TEAD1: variants seen among roughly 807,000 people sequenced by gnomAD.
TEAD1 encodes TEA domain transcription factor 1.
A neutral mutation model predicts 54.9 loss-of-function variants in TEAD1; 9 were observed. The ratio of observed to expected loss-of-function variants is 0.16; its 90% confidence interval spans 0.10 to 0.29. The LOEUF is 0.29. Ranked by LOEUF, TEAD1 falls within the 10% of genes least tolerant of loss-of-function variation. The pLI, the probability that TEAD1 is intolerant of heterozygous loss-of-function variation, is 1.00. For synonymous variants in TEAD1, 200 were observed against 187.8 expected, an observed-to-expected ratio of 1.07 and a Z score of -0.53; for missense variants, 387 against 535.9, an observed-to-expected ratio of 0.72 and a Z score of 2.74.
intron 2 of TEAD1, among the ~76,000 whole-genome samples, chr11:12,733,898 T>G (rs1944471440): frequency 6.6e-6 from 1 of 152,220 alleles, no homozygotes; most frequent in South Asian, 2.1e-4. Context: ...GCTTGTGTCT[T>G]TGTGTGTGCG....
chr11:12,875,149 G>A (rs1473939928), intron 5 of TEAD1, among the ~76,000 whole-genome samples: 2 of 152,162 alleles, frequency 1.3e-5, no homozygotes, highest in African/African-American at 2.4e-5. Context: ...TTGGTGTGAA[G>A]ACATCTTAAA....
At chr11:12,743,685 A>G (rs558779740) in intron 2 of TEAD1, among the ~76,000 whole-genome samples, 26 of 152,326 alleles carry the variant, frequency 1.7e-4, no homozygotes, top group Non-Finnish European at 3.7e-4. Context: ...TGTTGAAGTG[A>G]TGGCAATTGA....
In TEAD1 at chr11:12,891,208, C is replaced by G. The variant is rs572961984; in HGVS notation, c.699+8083C>G. On this transcript the variant is annotated intron_variant, in intron 9 of 12. Transcript: ENST00000527636. ...ACCCTTAAGTAGGTAGCCACTGCTA[C>G]TATTCTCTTATGAGGCTTTGTAGTG... Among the ~76,000 whole-genome samples, 175 of 152,318 alleles carry G rather than the reference C, an allele frequency of 1.1e-3. 1 individual carries two copies. The highest frequency in any genetic ancestry group is 1.9e-3 in the Non-Finnish European group (129 of 68,034).
intron 2 of TEAD1, among the ~76,000 whole-genome samples, chr11:12,717,357 C>G (rs568470069): frequency 6.6e-6 from 1 of 152,156 alleles, no homozygotes; most frequent in Non-Finnish European, 1.5e-5. Context: ...GAGGCAGGGC[C>G]CTTCATTCCT....
intron 3 of TEAD1, among the ~76,000 whole-genome samples, chr11:12,858,517 G>A (rs576790243): frequency 4.8e-4 from 73 of 152,152 alleles, no homozygotes; most frequent in Non-Finnish European, 9.3e-4. Flanking sequence ...CAACATTTTA[G>A]TGCATTTAAG....
chr11:12,929,034 TGTTA>T (rs1312231370), intron 11 of TEAD1, among the ~76,000 whole-genome samples: 1 of 152,184 alleles, frequency 6.6e-6, no homozygotes, highest in African/African-American at 2.4e-5. Flanking sequence ...TAGCTAAACT[TGTTA>T]GTTGTGGTCA....
intron 3 of TEAD1, among the ~76,000 whole-genome samples, chr11:12,835,421 A>G (rs1455802380): frequency 6.6e-6 from 1 of 151,476 alleles, no homozygotes; most frequent in Non-Finnish European, 1.5e-5. Flanking sequence ...CGGTCACTGC[A>G]GCTTCAGCCT....
At chr11:12,866,091 C>T (rs538625069) in intron 5 of TEAD1, among the ~76,000 whole-genome samples, 3 of 152,264 alleles carry the variant, frequency 2.0e-5, no homozygotes, top group East Asian at 1.9e-4. Context: ...CTGGCTCGCT[C>T]GCACGTGTGG....
chr11:12,865,108 CGTGTGTGTGTGCGT>C (rs1947590807), intron 5 of TEAD1: 1 of 643,452 alleles, frequency 1.6e-6, no homozygotes, highest in African/African-American at 1.8e-5. Context: ...TGTGTGTTTG[CGTGTGTGTGTGCGT>C]GTGTATGTGT....
At chr11:12,794,271 A>G (rs1945867407) in intron 3 of TEAD1, among the ~76,000 whole-genome samples, 1 of 152,116 alleles carries the variant, frequency 6.6e-6, no homozygotes, top group African/African-American at 2.4e-5. Flanking sequence ...TCTTCTCACC[A>G]GGTCTGGTCT....
chr11:12,705,311 A>T (rs1046203826), intron 2 of TEAD1, among the ~76,000 whole-genome samples: 2 of 152,222 alleles, frequency 1.3e-5, no homozygotes, highest in African/African-American at 4.8e-5. Context: ...TTCAGCCTAA[A>T]GGAAAATACA....
At chr11:12,753,239 C>T (rs553187983) in intron 2 of TEAD1, among the ~76,000 whole-genome samples, 5 of 152,262 alleles carry the variant, frequency 3.3e-5, no homozygotes, top group African/African-American at 1.2e-4. Flanking sequence ...CTATACCTGT[C>T]TTTTGGTGAA....
At chr11:12,909,952 T>A (rs1564987069) in intron 10 of TEAD1, among the ~76,000 whole-genome samples, 1 of 152,236 alleles carries the variant, frequency 6.6e-6, no homozygotes, top group Non-Finnish European at 1.5e-5. Context: ...CTAGTCATAC[T>A]TCTTTTTTCC....
intron 3 of TEAD1, among the ~76,000 whole-genome samples, chr11:12,806,737 C>T (rs1319924530): frequency 2.6e-5 from 4 of 152,184 alleles, no homozygotes; most frequent in African/African-American, 7.2e-5. Flanking sequence ...CATTTAACCT[C>T]GTAAATGATC....
intron 2 of TEAD1, among the ~76,000 whole-genome samples, chr11:12,719,183 C>T (rs1020369636): frequency 1.3e-5 from 2 of 151,990 alleles, no homozygotes; most frequent in Non-Finnish European, 1.5e-5. Flanking sequence ...GTTTAGCTGA[C>T]TCTGACCACA....
At chr11:12,903,552 C>T (rs1589975773) in intron 10 of TEAD1, among the ~76,000 whole-genome samples, 2 of 152,198 alleles carry the variant, frequency 1.3e-5, no homozygotes, top group East Asian at 1.9e-4. Flanking sequence ...CAGTGGCTCA[C>T]GCCTGTAATT....
intron 10 of TEAD1, among the ~76,000 whole-genome samples, chr11:12,903,591 T>C (rs1589975808): frequency 6.6e-6 from 1 of 152,014 alleles, no homozygotes; most frequent in Non-Finnish European, 1.5e-5. Flanking sequence ...GAGGCAGGGG[T>C]ATTACATGAG....
intron 2 of TEAD1, among the ~76,000 whole-genome samples, chr11:12,734,390 G>A (rs1363424824): frequency 2.0e-5 from 3 of 152,144 alleles, no homozygotes; most frequent in African/African-American, 7.2e-5. Context: ...TAAAGTTGCA[G>A]TGAGCTAAGG....
intron 2 of TEAD1, among the ~76,000 whole-genome samples, chr11:12,730,634 A>T (rs1944404415): frequency 6.8e-6 from 1 of 146,610 alleles, no homozygotes; most frequent in Non-Finnish European, 1.5e-5. Flanking sequence ...TTTCAGGAGG[A>T]GCTAAGCCTG....
Sources: gnomAD v4.1 joint callset for allele counts (sites outside exome capture counted in the v4.1 genomes callset) on GRCh38, gnomAD v4.1.1 for gene constraint, MANE v1.5 for transcripts, NCBI Gene and HGNC (gene_info 2026-07-23, HGNC 2026-07-21) for gene names.